NMRK1: variants seen among roughly 807,000 people sequenced by gnomAD.
The protein encoded by NMRK1 is NRK 1.
A neutral mutation model predicts 29.9 loss-of-function variants in NMRK1; 28 were observed. That is an observed-to-expected ratio of 0.94 (90% CI 0.69 to 1.28). The LOEUF (loss-of-function observed/expected upper bound fraction) is 1.28, where lower values mean the gene tolerates loss of function less well. Among genes scored for constraint, NMRK1 ranks in the 50% most tolerant of loss-of-function variants. The probability of loss-of-function intolerance (pLI) is 0.00; values close to 1 mark genes in which losing one functional copy is unlikely to be tolerated. For missense variants in NMRK1, 218 were observed against 233.1 expected (o/e 0.94, Z 0.42); for synonymous variants, 58 against 73.0 (o/e 0.79, Z 1.05).
At chr9:75,074,665 G>A (rs1447271878) in intron 4 of NMRK1, among the ~76,000 whole-genome samples, 3 of 152,146 alleles carry the variant, frequency 2.0e-5, no homozygotes, top group African/African-American at 7.2e-5. Flanking sequence ...TGGGCTTACA[G>A]GTGTGAGCCA....
At chr9:75,066,248 A>G (rs370465447) in intron 8 of NMRK1, 6 of 518,520 alleles carry the variant, frequency 1.2e-5, no homozygotes, top group African/African-American at 5.8e-5. Flanking sequence ...TGCTGTAGCC[A>G]TATTTAGGCA....
intron 8 of NMRK1, among the ~76,000 whole-genome samples, chr9:75,061,793 T>C (rs1823035227): frequency 6.6e-6 from 1 of 152,228 alleles, no homozygotes; most frequent in Non-Finnish European, 1.5e-5. Flanking sequence ...CCAATATCAC[T>C]TGTAGTTCGT....
At chr9:75,068,894 G>C in intron 7 of NMRK1, 102 bp downstream of exon 7, 1 of 706,346 alleles carries the variant, frequency 1.4e-6, no homozygotes. Flanking sequence ...GAGTGTTCTT[G>C]CTTAAGCATC....
At chr9:75,084,264 G>A (rs1474777338) in intron 1 of NMRK1, among the ~76,000 whole-genome samples, 3 of 152,188 alleles carry the variant, frequency 2.0e-5, no homozygotes, top group Non-Finnish European at 4.4e-5. Flanking sequence ...GTGTAGCCAG[G>A]GGCAAGCGGC....
intron 4 of NMRK1, among the ~76,000 whole-genome samples, chr9:75,072,265 C>T (rs543928910): frequency 1.3e-5 from 2 of 152,282 alleles, no homozygotes; most frequent in East Asian, 1.9e-4. Context: ...CTTTAGCCAG[C>T]ATGCTTTCTT....
intron 1 of NMRK1, among the ~76,000 whole-genome samples, chr9:75,083,744 AT>A (rs912115822): frequency 6.6e-5 from 10 of 152,036 alleles, no homozygotes; most frequent in South Asian, 6.2e-4. Context: ...GGCTAGGTAC[AT>A]TTTTTTTGGA....
At chr9:75,069,258 A>G in intron 6 of NMRK1, 156 bp from the exon 7 acceptor site, 2 of 567,916 alleles carry the variant, frequency 3.5e-6, no homozygotes, top group Admixed American at 6.3e-5. Flanking sequence ...GGCAGTTAGA[A>G]CGACAGTAAC....
intron 1 of NMRK1, among the ~76,000 whole-genome samples, chr9:75,085,400 T>C (rs1824558475): frequency 1.3e-5 from 2 of 152,238 alleles, no homozygotes; most frequent in African/African-American, 4.8e-5. Context: ...ACTTTATTAC[T>C]AACAGCAAAG....
intron 8 of NMRK1, among the ~76,000 whole-genome samples, chr9:75,064,537 G>C (rs1823228375): frequency 6.6e-6 from 1 of 152,176 alleles, no homozygotes; most frequent in Non-Finnish European, 1.5e-5. Flanking sequence ...GAGTGGGCGG[G>C]CATATCTGGC....
chr9:75,078,602 C>T (rs576478033), intron 2 of NMRK1: 2 of 1,218,722 alleles, frequency 1.6e-6, no homozygotes, highest in Non-Finnish European at 2.0e-6. Context: ...TAAGTCAGGG[C>T]ATCTGTGAAC....
At chr9:75,084,292 G>A (rs551166276) in intron 1 of NMRK1, among the ~76,000 whole-genome samples, 75 of 152,216 alleles carry the variant, frequency 4.9e-4, no homozygotes, top group African/African-American at 1.8e-3. Context: ...CAAGCTGGAG[G>A]CTCCCAGCAA....
At chr9:75,078,858 G>C (rs1824161178) in intron 2 of NMRK1, among the ~76,000 whole-genome samples, 1 of 152,112 alleles carries the variant, frequency 6.6e-6, no homozygotes, top group African/African-American at 2.4e-5. Flanking sequence ...TATTAACATA[G>C]AAGAGTATAT....
rs1824414569 is a variant in NMRK1, at chr9:75,083,147, T to C, written c.-32A>G. On this transcript the variant is annotated 5_prime_UTR_variant, in exon 2 of 9. Coordinates refer to ENST00000361092, the MANE Select transcript of NMRK1 (RefSeq NM_017881.3). ...CTTTGAAAATCACAGCTTCCTAATA[T>C]TTCCTAAAAGTAAAAAAACAAACAA... is the stretch of plus-strand genomic sequence containing the variant. The C allele has an allele frequency of 6.7e-7, 1 of 1,485,216 alleles. No individual in the cohort carries two copies. Among genetic ancestry groups the C allele is most frequent in the African/African-American group, 1.4e-5 (1 of 72,490 alleles). 92.0% of individuals were successfully genotyped at this position (1,485,216 alleles called of 1,614,324 possible).
chr9:75,061,689 C>T (rs1402565739), intron 8 of NMRK1, 122 bp from the exon 9 acceptor site: 7 of 755,962 alleles, frequency 9.3e-6, no homozygotes. Context: ...GCCAAAAATG[C>T]TGGTTTCCTG....
At chr9:75,065,477 T>A (rs796792858) in intron 8 of NMRK1, among the ~76,000 whole-genome samples, 133 of 152,248 alleles carry the variant, frequency 8.7e-4, no homozygotes, top group African/African-American at 3.1e-3. Context: ...TAGCTAATTT[T>A]TAAAAAATTT....
intron 1 of NMRK1, among the ~76,000 whole-genome samples, chr9:75,086,540 G>GT (rs1241130013): frequency 1.3e-5 from 2 of 152,238 alleles, no homozygotes; most frequent in African/African-American, 2.4e-5. Flanking sequence ...AAAATGTTGG[G>GT]TTTTTTAAAA....
chr9:75,063,017 C>A (rs537934762), intron 8 of NMRK1, among the ~76,000 whole-genome samples: 1 of 151,828 alleles, frequency 6.6e-6, no homozygotes, highest in Admixed American at 6.6e-5. Flanking sequence ...GGCGACAGAA[C>A]AACTCCATAT....
At chr9:75,081,327 T>C (rs182645569) in intron 2 of NMRK1, among the ~76,000 whole-genome samples, 1 of 152,344 alleles carries the variant, frequency 6.6e-6, no homozygotes, top group East Asian at 1.9e-4. Flanking sequence ...GAGCAGTGGC[T>C]CATCCTTGTA....
At position 75,070,027 on chromosome 9, in the gene NMRK1, T is replaced by C; in HGVS notation, c.185A>G (p.Asn62Ser). 15 of 1,612,166 alleles carry C rather than the reference T, an allele frequency of 9.3e-6. No homozygotes were observed. The highest frequency in any genetic ancestry group is 1.3e-5 in the Non-Finnish European group (15 of 1,179,506). The change falls in exon 5 of 9, where the codon AAC (asparagine) becomes AGC (serine). Residue 62 changes from asparagine (N) to serine (S), a missense_variant. Asn to Ser is a conservative substitution (Grantham distance 46). Transcript: ENST00000361092. ...AATGGCTGACATCATTTTTTCCATG[T>C]TAAGTGCTTCAAGCACTTCAAACAA... ...FLQYDVLEAL[N>S]MEKMMSAISC...
Sources: gnomAD v4.1 joint callset for allele counts (sites outside exome capture counted in the v4.1 genomes callset) on GRCh38, gnomAD v4.1.1 for gene constraint, MANE v1.5 for transcripts, NCBI Gene and HGNC (gene_info 2026-07-23, HGNC 2026-07-21) for gene names.